The following KLRG1 variants were observed in gnomAD, a reference collection of about 807,000 sequenced individuals.
KLRG1 encodes killer cell lectin like receptor G1, also known as killer cell lectin-like receptor subfamily G member 1.
A neutral mutation model predicts 21.8 loss-of-function variants in KLRG1; 16 were observed. That is an observed-to-expected ratio of 0.73 (90% CI 0.50 to 1.11). The LOEUF is 1.11. Among genes scored for constraint, KLRG1 ranks in the 50% most tolerant of loss-of-function variants. The probability of loss-of-function intolerance (pLI) is 0.00; values close to 1 mark genes in which losing one functional copy is unlikely to be tolerated. For missense variants in KLRG1, 173 were observed against 218.3 expected, an observed-to-expected ratio of 0.79 and a Z score of 1.31; for synonymous variants, 69 against 75.9, an observed-to-expected ratio of 0.91 and a Z score of 0.47.
At chr12:9,027,908 T>A in the KLRG1 span, 1 of 875,558 alleles carries the variant, frequency 1.1e-6, no homozygotes, top group Admixed American at 1.7e-5. Flanking sequence ...CATTTCGACC[T>A]CTTTGGCTAG....
At chr12:9,072,990 A>T in the KLRG1 span, 1 of 691,366 alleles carries the variant, frequency 1.4e-6, no homozygotes, top group Non-Finnish European at 2.4e-6. Flanking sequence ...CTACTTAAAT[A>T]TAGGAGCTGT....
the KLRG1 span, chr12:9,095,652 A>G: frequency 6.2e-7 from 1 of 1,613,302 alleles, no homozygotes. Context: ...TGGTCATTCA[A>G]AGGCCCAGGG....
chr12:9,057,078 T>C, the KLRG1 span, among the ~76,000 whole-genome samples: 1 of 152,160 alleles, frequency 6.6e-6, no homozygotes, highest in African/African-American at 2.4e-5. Flanking sequence ...AATATACATG[T>C]ATATTACAGG....
At chr12:8,957,507 T>TTTTG (rs562204116) in intron 1 of KLRG1, among the ~76,000 whole-genome samples, 2,765 of 152,254 alleles carry the variant, frequency 0.018, 74 homozygotes, top group African/African-American at 0.06. Flanking sequence ...TTGTTTTGTT[T>TTTTG]TTTGTTTGTT....
the KLRG1 span, chr12:9,153,211 G>A: frequency 1.9e-6 from 3 of 1,614,182 alleles, no homozygotes; most frequent in Non-Finnish European, 2.5e-6. Context: ...AGTAATAGGA[G>A]GTTGTTGTTG....
the KLRG1 span, chr12:9,076,999 A>G: frequency 1.4e-6 from 2 of 1,445,718 alleles, no homozygotes; most frequent in African/African-American, 2.8e-5. Flanking sequence ...ATTCCCAGGC[A>G]AATACACGGA....
chr12:9,194,972 T>C, the KLRG1 span, among the ~76,000 whole-genome samples: 1 of 152,196 alleles, frequency 6.6e-6, no homozygotes, highest in Non-Finnish European at 1.5e-5. Flanking sequence ...ATAATAGTTG[T>C]GCCTCCTTTA....
At chr12:9,083,475 T>G in the KLRG1 span, among the ~76,000 whole-genome samples, 21 of 150,292 alleles carry the variant, frequency 1.4e-4, no homozygotes, top group Non-Finnish European at 2.7e-4. Context: ...AGAAACCAAA[T>G]AGAAATCCTG....
intron 1 of KLRG1, among the ~76,000 whole-genome samples, chr12:8,981,041 G>C (rs1452102484): frequency 6.6e-6 from 1 of 152,152 alleles, no homozygotes; most frequent in Non-Finnish European, 1.5e-5. Context: ...AGTTGCAGCA[G>C]CTTTTTAATT....
the KLRG1 span, chr12:9,098,617 G>A: frequency 1.8e-5 from 29 of 1,602,860 alleles, no homozygotes; most frequent in Middle Eastern, 1.7e-4. Context: ...CGAGGACGCC[G>A]AGAGCTCAGC....
chr12:9,074,243 A>G, the KLRG1 span, among the ~76,000 whole-genome samples: 7 of 152,134 alleles, frequency 4.6e-5, 1 homozygote, highest in Admixed American at 1.3e-4. Context: ...GAGACCCTAG[A>G]GCTTTCAGGA....
At chr12:9,100,557 G>A in the KLRG1 span, among the ~76,000 whole-genome samples, 1 of 151,994 alleles carries the variant, frequency 6.6e-6, no homozygotes, top group Non-Finnish European at 1.5e-5. Flanking sequence ...GGGATTACAG[G>A]CGTAAGCCAT....
At chr12:9,093,660 AAAAAAAC>A in the KLRG1 span, 17 of 788,764 alleles carry the variant, frequency 2.2e-5, no homozygotes, top group Admixed American at 2.5e-4. Flanking sequence ...CCACCAAAAA[AAAAAAAC>A]AAAAAACAAA....
chr12:9,043,462 C>T, the KLRG1 span, among the ~76,000 whole-genome samples: 1 of 152,198 alleles, frequency 6.6e-6, no homozygotes, highest in African/African-American at 2.4e-5. Flanking sequence ...AGGAAGTTCA[C>T]CCAAAGGACT....
the KLRG1 span, among the ~76,000 whole-genome samples, chr12:9,173,085 C>T: frequency 6.6e-6 from 1 of 152,242 alleles, no homozygotes; most frequent in Non-Finnish European, 1.5e-5. Context: ...AAGTAAAACA[C>T]TCCTCAGCAA....
At chr12:9,070,668 A>C in the KLRG1 span, 2 of 854,276 alleles carry the variant, frequency 2.3e-6, no homozygotes, top group African/African-American at 3.4e-5. Context: ...CCACAGCTCT[A>C]AAAGGTACAC....
At chr12:9,210,068 G>A in the KLRG1 span, among the ~76,000 whole-genome samples, 88 of 152,176 alleles carry the variant, frequency 5.8e-4, no homozygotes, top group Non-Finnish European at 1.1e-3. Context: ...TTTCTCTAGG[G>A]TATATAGCAG....
At chr12:9,106,274 C>T in the KLRG1 span, 4 of 1,612,682 alleles carry the variant, frequency 2.5e-6, no homozygotes, top group Non-Finnish European at 3.4e-6. Flanking sequence ...AAGTGTGAGT[C>T]CACTTTCACA....
chr12:9,126,122 A>T, the KLRG1 span, among the ~76,000 whole-genome samples: 2 of 152,238 alleles, frequency 1.3e-5, no homozygotes, highest in South Asian at 4.1e-4. Context: ...CCACAATCAT[A>T]CAGGGTGAGC....
Sources: gnomAD v4.1 joint callset for allele counts (sites outside exome capture counted in the v4.1 genomes callset) on GRCh38, gnomAD v4.1.1 for gene constraint, MANE v1.5 for transcripts, NCBI Gene and HGNC (gene_info 2026-07-23, HGNC 2026-07-21) for gene names.